Variants in HMX1 observed in about 807,000 individuals in gnomAD.
HMX1 encodes the protein homeobox protein HMX1.
Under a neutral mutation model 8.9 loss-of-function variants are expected in HMX1, and 8 were observed. The ratio of observed to expected loss-of-function variants is 0.90; its 90% confidence interval spans 0.53 to 1.63. HMX1 has a LOEUF of 1.63. HMX1 is among the 40% of genes most tolerant of loss of function. The probability of loss-of-function intolerance (pLI) is 0.00; values close to 1 mark genes in which losing one functional copy is unlikely to be tolerated. For synonymous variants in HMX1, 311 were observed against 283.4 expected (o/e 1.10, Z -0.98); for missense variants, 621 against 558.5 (o/e 1.11, Z -1.13).
At chr4:8,858,122 C>G (rs1172326416) in intron 1 of HMX1, among the ~76,000 whole-genome samples, 3 of 152,024 alleles carry the variant, frequency 2.0e-5, no homozygotes, top group Non-Finnish European at 4.4e-5. Flanking sequence ...CGCCCCCAAG[C>G]CGGTCGAGGC....
intron 1 of HMX1, among the ~76,000 whole-genome samples, chr4:8,857,532 G>C (rs1721648726): frequency 6.6e-6 from 1 of 152,190 alleles, no homozygotes; most frequent in African/African-American, 2.4e-5. Context: ...TCTCTCGGAA[G>C]TGACGGCTGA....
chr4:8,847,600 C>G lies in HMX1; in HGVS notation c.395-1276G>C, dbSNP rs1286732579. Among the ~76,000 whole-genome samples, 2 of 152,214 alleles carry G rather than the reference C, an allele frequency of 1.3e-5. No individual in the cohort carries two copies. Among genetic ancestry groups the G allele is most frequent in the African/African-American group, 2.4e-5 (1 of 41,460 alleles). On this transcript the variant is annotated intron_variant, in intron 1 of 1. Coordinates refer to the HMX1 transcript ENST00000506970. This position sits in a 1 kb window ranked among gnomAD's most constrained non-coding sequence, Gnocchi z 6.0. ...TGCAAACCACCCCCTTCTGTCCCCACAGAGATGCTTCTGCTCAGGGCCAAG... is the reference window on the plus strand; with the variant it reads ...TGCAAACCACCCCCTTCTGTCCCCAGAGAGATGCTTCTGCTCAGGGCCAAG...
chr4:8,862,255 CAAGCTGGACCA>C (rs1368247510), downstream of HMX1, among the ~76,000 whole-genome samples: 13 of 152,356 alleles, frequency 8.5e-5, no homozygotes, highest in African/African-American at 3.1e-4. Flanking sequence ...AAGCAGAGTG[CAAGCTGGACCA>C]AAGTGAGACC....
At chr4:8,864,562 G>A (rs534190348), downstream of HMX1, among the ~76,000 whole-genome samples, 5 of 152,328 alleles carry the variant, frequency 3.3e-5, no homozygotes, top group East Asian at 9.7e-4. Flanking sequence ...GACTCAGAGG[G>A]GCCAGGCGTA....
rs1722169400 is a variant in HMX1 at position 8,870,317 on chromosome 4, G to T, written c.394+904C>A. On this transcript the variant is annotated intron_variant, in intron 1 of 1. Coordinates refer to ENST00000400677, the MANE Select transcript of HMX1 (RefSeq NM_018942.3). This position sits in a 1 kb window ranked among gnomAD's most constrained non-coding sequence, Gnocchi z 4.4. ...CTTCCTAAAGGGCAGGTACAAAAGG[G>T]AGGCAGCGACCCTGGAACCCTGGGG... is the stretch of plus-strand genomic sequence containing the variant. Among the ~76,000 whole-genome samples, 1 of 152,014 alleles carries T rather than the reference G, an allele frequency of 6.6e-6. No homozygotes were observed. Among genetic ancestry groups the T allele is most frequent in the African/African-American group, 2.4e-5 (1 of 41,380 alleles).
At position 8,853,743 on chromosome 4, in the gene HMX1, T is replaced by C. The variant is rs1395496439; in HGVS notation, c.395-7419A>G. On this transcript the variant is annotated intron_variant, in intron 1 of 1. Coordinates refer to the HMX1 transcript ENST00000506970. This position sits in a 1 kb window ranked among gnomAD's most constrained non-coding sequence, Gnocchi z 4.7. ...GGTGGGCCCCTGTAATCTCAGCTAC[T>C]CGGGGAGGCTGAGACAGGAGAATTG... 6.6e-6 allele frequency among the ~76,000 whole-genome samples: 1 copy of C among 151,766 alleles called. No homozygotes were observed. Among genetic ancestry groups the C allele is most frequent in the African/African-American group, 2.4e-5 (1 of 41,278 alleles).
chr4:8,871,510 C>A lies in HMX1; in HGVS notation c.105G>T (p.Ala35=). Residue 35 remains alanine, a synonymous_variant, in exon 1 of 2, where the codon GCG becomes GCT. Coordinates refer to ENST00000400677, the MANE Select transcript of HMX1 (RefSeq NM_018942.3). The surrounding 1 kb of genome is among the most constrained non-coding windows in gnomAD (Gnocchi z 4.8). ...LAAEAKGAGR[A]TQGDGSREDE... is the part of the protein sequence containing the mutation. ...CCTCCCGGCTGCCGTCGCCCTGGGT[C>A]GCGCGCCCTGCGCCCTTGGCCTCGG... The A allele has an allele frequency of 7.5e-7, 1 of 1,339,480 alleles. No homozygotes were observed. The highest frequency in any genetic ancestry group is 9.6e-7 in the Non-Finnish European group (1 of 1,045,102). 83.0% of individuals were successfully genotyped at this position (1,339,480 alleles called of 1,614,324 possible).
rs1460094692 is a variant in HMX1, at chr4:8,847,463, G to A, written c.395-1139C>T. Reference sequence around the variant, plus strand: ...AGAGCTATTTCTGTAACGGGATGCCGCCAACAGACGGAAGCCACTGAGCCC... The same window carrying A: ...AGAGCTATTTCTGTAACGGGATGCCACCAACAGACGGAAGCCACTGAGCCC... On this transcript the variant is annotated intron_variant, in intron 1 of 1. Coordinates refer to the HMX1 transcript ENST00000506970. This position sits in a 1 kb window ranked among gnomAD's most constrained non-coding sequence, Gnocchi z 6.0. 1.3e-5 allele frequency among the ~76,000 whole-genome samples: 2 copies of A among 152,138 alleles called. No homozygotes were observed. Among genetic ancestry groups the A allele is most frequent in the African/African-American group, 2.4e-5 (1 of 41,422 alleles).
chr4:8,871,350 G>T lies in HMX1; in HGVS notation c.265C>A (p.Pro89Thr). 7.9e-7 allele frequency: 1 copy of T among 1,261,958 alleles called. No homozygotes were observed. Among genetic ancestry groups the T allele is most frequent in the South Asian group, 2.5e-5 (1 of 40,712 alleles). 78.2% of individuals were successfully genotyped at this position (1,261,958 alleles called of 1,614,324 possible). A position where few individuals can be genotyped will look rare whatever the true frequency, so the allele number is the denominator to read the frequency against. Residue 89 changes from proline to threonine, a missense_variant, in exon 1 of 2, where the codon CCG becomes ACG. By Grantham distance (38) the Pro-to-Thr change is conservative. Coordinates refer to ENST00000400677, the MANE Select transcript of HMX1 (RefSeq NM_018942.3). The surrounding 1 kb of genome is among the most constrained non-coding windows in gnomAD (Gnocchi z 4.8). Reference protein sequence around the residue: ...GEARARALLGPGALGLGPRPP... With the variant: ...GEARARALLGTGALGLGPRPP... Reference sequence around the variant, plus strand: ...CGAGGACCGAGGCCCAGCGCGCCCGGCCCGAGCAGCGCACGGGCCCGCGCC... The same window carrying T: ...CGAGGACCGAGGCCCAGCGCGCCCGTCCCGAGCAGCGCACGGGCCCGCGCC...
intron 1 of HMX1, among the ~76,000 whole-genome samples, chr4:8,855,869 C>G (rs192946841): frequency 2.0e-5 from 3 of 152,124 alleles, no homozygotes; most frequent in African/African-American, 7.2e-5. Context: ...CAGGATCCAG[C>G]GGGAGCTGGA....
chr4:8,867,083 A>G lies in HMX1; in HGVS notation c.*610T>C. The G allele has an allele frequency of 7.1e-6, 7 of 985,324 alleles. No homozygotes were observed. The highest frequency in any genetic ancestry group is 8.4e-6 in the Non-Finnish European group (7 of 829,870). 61.0% of individuals were successfully genotyped at this position (985,324 alleles called of 1,614,324 possible). On this transcript the variant is annotated 3_prime_UTR_variant, in exon 2 of 2. Transcript: ENST00000400677. ...GTCCCTTTTTATTCCATACGCAAAT[A>G]AGTAGATTCATTTAAAAAAACAACA...
intron 1 of HMX1, among the ~76,000 whole-genome samples, chr4:8,861,942 A>T (rs1721841242): frequency 6.6e-6 from 1 of 152,202 alleles, no homozygotes; most frequent in Admixed American, 6.5e-5. Flanking sequence ...CGAAGTCGGA[A>T]CCACGTCCGC....
At chr4:8,869,629 G>C (rs1722142782) in intron 1 of HMX1, among the ~76,000 whole-genome samples, 1 of 152,216 alleles carries the variant, frequency 6.6e-6, no homozygotes. Context: ...CAATCCCCAT[G>C]GTGTGTGCCC....
chr4:8,871,179 GGGCCCCACCGCCTGACCCACCCTCCC>G lies in HMX1; in HGVS notation c.394+16_394+41del, dbSNP rs1722201505. 7.4e-7 allele frequency: 1 copy of G among 1,359,282 alleles called. No homozygotes were observed. The highest frequency in any genetic ancestry group is 9.5e-7 in the Non-Finnish European group (1 of 1,057,042). 84.2% of individuals were successfully genotyped at this position (1,359,282 alleles called of 1,614,324 possible). A position where few individuals can be genotyped will look rare whatever the true frequency, so the allele number is the denominator to read the frequency against. On this transcript the variant is annotated intron_variant, in intron 1 of 1. Coordinates refer to ENST00000400677, the MANE Select transcript of HMX1 (RefSeq NM_018942.3). The surrounding 1 kb of genome is among the most constrained non-coding windows in gnomAD (Gnocchi z 4.8). ...CCAGCAAATGCGCAGGGAGGAAGTC[GGGCCCCACCGCCTGACCCACCCTCCC>G]CGCGCCCTCACTCACTGTCAGGACT...
intron 1 of HMX1, among the ~76,000 whole-genome samples, chr4:8,857,387 G>C (rs1332610546): frequency 6.6e-6 from 1 of 152,066 alleles, no homozygotes; most frequent in Non-Finnish European, 1.5e-5. Context: ...TCCCCAGGTA[G>C]GAGGCAGGAG....
chr4:8,863,368 C>T (rs569636714), downstream of HMX1, among the ~76,000 whole-genome samples: 1 of 152,346 alleles, frequency 6.6e-6, no homozygotes, highest in South Asian at 2.1e-4. Context: ...GAGAAGCCCA[C>T]CCGGCCTCTC....
In HMX1 at chr4:8,849,242, C is replaced by A. The variant is rs1721367665; in HGVS notation, c.395-2918G>T. On this transcript the variant is annotated intron_variant, in intron 1 of 1. Coordinates refer to the HMX1 transcript ENST00000506970. This position sits in a 1 kb window ranked among gnomAD's most constrained non-coding sequence, Gnocchi z 6.6. ...TATGGGGAGGTCCTGACCGGCAGCACCCCAGAACGGGAGTTTATTTGGAAA... is the reference window on the plus strand; with the variant it reads ...TATGGGGAGGTCCTGACCGGCAGCAACCCAGAACGGGAGTTTATTTGGAAA... Among the ~76,000 whole-genome samples the A allele has an allele frequency of 6.6e-6, 1 of 151,972 alleles. No homozygotes were observed. Among genetic ancestry groups the A allele is most frequent in the Non-Finnish European group, 1.5e-5 (1 of 68,004 alleles).
intron 1 of HMX1, among the ~76,000 whole-genome samples, chr4:8,857,305 G>C (rs1354638213): frequency 1.3e-5 from 2 of 152,218 alleles, no homozygotes; most frequent in Non-Finnish European, 2.9e-5. Flanking sequence ...CCCAGCCGGA[G>C]CCTCAGTCCT....
In HMX1 at chr4:8,848,046, A is replaced by C. The variant is rs2109451250; in HGVS notation, c.395-1722T>G. On this transcript the variant is annotated intron_variant, in intron 1 of 1. Coordinates refer to the HMX1 transcript ENST00000506970. The surrounding 1 kb of genome is among the most constrained non-coding windows in gnomAD (Gnocchi z 4.1). Reference sequence around the variant, plus strand: ...CTAAAACTCGACACTCGATTCAGTTATTGGACAACACTGAAGTATGTTTGG... The same window carrying C: ...CTAAAACTCGACACTCGATTCAGTTCTTGGACAACACTGAAGTATGTTTGG... 6.6e-6 allele frequency among the ~76,000 whole-genome samples: 1 copy of C among 152,336 alleles called. No homozygotes were observed. Among genetic ancestry groups the C allele is most frequent in the African/African-American group, 2.4e-5 (1 of 41,590 alleles).
Sources: allele counts gnomAD v4.1 joint callset (sites outside exome capture counted in the v4.1 genomes callset), GRCh38; gene constraint gnomAD v4.1.1; non-coding constraint Gnocchi (gnomAD v3.1); transcripts MANE v1.5; gene names NCBI Gene and HGNC (gene_info 2026-07-23, HGNC 2026-07-21).